CA10: variants seen among roughly 807,000 people sequenced by gnomAD.
CA10 encodes carbonic anhydrase-related protein 10.
CA10 carries 14 observed loss-of-function variants against 44.2 expected under a neutral mutation model. The observed-to-expected ratio is 0.32, with a 90% CI of 0.21 to 0.50. The LOEUF (loss-of-function observed/expected upper bound fraction) is 0.50, where lower values mean the gene tolerates loss of function less well. Among genes scored for constraint, CA10 ranks in the 20% least tolerant of loss-of-function variants. The pLI, the probability that CA10 is intolerant of heterozygous loss-of-function variation, is 0.99. For synonymous variants in CA10, 159 were observed against 141.6 expected (o/e 1.12, Z -0.87); for missense variants, 350 against 409.7 (o/e 0.85, Z 1.26).
chr17:52,093,749 A>G (rs1422849773), intron 1 of CA10, among the ~76,000 whole-genome samples: 4 of 152,200 alleles, frequency 2.6e-5, no homozygotes, highest in Non-Finnish European at 5.9e-5. Context: ...ATGCAGTAGA[A>G]TGGAAAAGAG....
chr17:52,138,314 G>A (rs1466613992), intron 1 of CA10, among the ~76,000 whole-genome samples: 1 of 151,964 alleles, frequency 6.6e-6, no homozygotes, highest in Non-Finnish European at 1.5e-5. Context: ...AGATAATCTA[G>A]GATAATCTCC....
At chr17:51,641,052 AT>A (rs1913058052) in intron 6 of CA10, among the ~76,000 whole-genome samples, 1 of 151,766 alleles carries the variant, frequency 6.6e-6, no homozygotes, top group African/African-American at 2.4e-5. Flanking sequence ...AAGGATGTTT[AT>A]TGGTGGAAGT....
intron 2 of CA10, among the ~76,000 whole-genome samples, chr17:52,055,390 C>T (rs2143067751): frequency 6.7e-6 from 1 of 148,312 alleles, no homozygotes; most frequent in East Asian, 2.0e-4. Context: ...ATGGAGTTTC[C>T]AAAACTATAA....
intron 4 of CA10, among the ~76,000 whole-genome samples, chr17:51,680,768 T>C (rs912799252): frequency 6.6e-6 from 1 of 152,192 alleles, no homozygotes; most frequent in Non-Finnish European, 1.5e-5. Flanking sequence ...GTCTGAGGAC[T>C]CTTCTGTGGT....
intron 2 of CA10, among the ~76,000 whole-genome samples, chr17:51,948,206 G>A (rs755051306): frequency 1.2e-4 from 18 of 152,022 alleles, no homozygotes; most frequent in Admixed American, 2.6e-4. Context: ...TCTACACTCC[G>A]CCTGTATTGC....
chr17:51,873,433 C>T (rs1384299110), intron 3 of CA10, among the ~76,000 whole-genome samples: 1 of 152,168 alleles, frequency 6.6e-6, no homozygotes, highest in African/African-American at 2.4e-5. Flanking sequence ...ACTCAGCAAT[C>T]GTTCTATCAT....
At chr17:51,961,188 AAC>A (rs71149387) in intron 2 of CA10, among the ~76,000 whole-genome samples, 55,294 of 144,844 alleles carry the variant, frequency 0.38, 10,954 homozygotes, top group Non-Finnish European at 0.47. Flanking sequence ...TGTACACACA[AAC>A]ACACACACAC....
intron 1 of CA10, among the ~76,000 whole-genome samples, chr17:52,091,983 C>T (rs1241771438): frequency 2.6e-5 from 4 of 152,166 alleles, no homozygotes; most frequent in Non-Finnish European, 4.4e-5. Context: ...CATAGGGCTT[C>T]TAAATCACTA....
intron 4 of CA10, among the ~76,000 whole-genome samples, chr17:51,699,374 T>TGCTG (rs1008638092): frequency 5.7e-4 from 86 of 152,060 alleles, no homozygotes; most frequent in Non-Finnish European, 6.6e-4. Context: ...GAAGTGGGGT[T>TGCTG]GCTGGATAGT....
At chr17:51,975,776 T>G (rs576663747) in intron 2 of CA10, among the ~76,000 whole-genome samples, 1 of 144,960 alleles carries the variant, frequency 6.9e-6, no homozygotes, top group African/African-American at 2.6e-5. Flanking sequence ...GGCACTAAAA[T>G]CGCTAGATCG....
intron 3 of CA10, among the ~76,000 whole-genome samples, chr17:51,905,615 T>C (rs1981516215): frequency 6.6e-6 from 1 of 151,174 alleles, no homozygotes; most frequent in African/African-American, 2.4e-5. Flanking sequence ...TTATAGCTGG[T>C]TGGACCTAGC....
Position 51,906,458 on chromosome 17 carries a change from G to A in CA10, c.279+24532C>T, listed in dbSNP as rs114612093. 3.3e-3 allele frequency among the ~76,000 whole-genome samples: 495 copies of A among 152,058 alleles called. 3 individuals carry two copies. Among genetic ancestry groups the A allele is most frequent in the African/African-American group, 0.012 (484 of 41,482 alleles). On this transcript the variant is annotated intron_variant, in intron 3 of 8. Coordinates refer to ENST00000451037, the MANE Select transcript of CA10 (RefSeq NM_020178.5). The stretch of plus-strand genomic sequence containing the variant: ...ATGTGCCATCTCGGTCTCCATTGCT[G>A]GTGCCTTCCCTGCCTGCCAATCTCT...
chr17:52,122,165 G>A (rs1272423098), intron 1 of CA10, among the ~76,000 whole-genome samples: 2 of 152,210 alleles, frequency 1.3e-5, no homozygotes, highest in African/African-American at 4.8e-5. Flanking sequence ...CACAGATGCT[G>A]GGGGCTAGTT....
chr17:51,712,189 T>C (rs1915961542), intron 4 of CA10, among the ~76,000 whole-genome samples: 1 of 152,196 alleles, frequency 6.6e-6, no homozygotes, highest in South Asian at 2.1e-4. Flanking sequence ...CAGTGTCCAC[T>C]GAATATGATG....
At chr17:52,129,402 T>G (rs1989184659) in intron 1 of CA10, among the ~76,000 whole-genome samples, 1 of 152,224 alleles carries the variant, frequency 6.6e-6, no homozygotes, top group East Asian at 1.9e-4. Flanking sequence ...ATGAATTAAT[T>G]CATTTAATCT....
intron 5 of CA10, among the ~76,000 whole-genome samples, chr17:51,650,322 C>T (rs779200050): frequency 2.6e-5 from 4 of 152,140 alleles, no homozygotes; most frequent in Admixed American, 6.5e-5. Flanking sequence ...AGTGGCTAAT[C>T]GGATGTTGTG....
chr17:51,983,421 A>C (rs1461563740), intron 2 of CA10, among the ~76,000 whole-genome samples: 1 of 151,874 alleles, frequency 6.6e-6, no homozygotes. Flanking sequence ...TATCAAAAGT[A>C]CATTGGAAAT....
At chr17:51,969,909 G>T (rs1420711703) in intron 2 of CA10, among the ~76,000 whole-genome samples, 1 of 151,974 alleles carries the variant, frequency 6.6e-6, no homozygotes, top group Non-Finnish European at 1.5e-5. Context: ...AATGCTCTTT[G>T]CTTCTCTTCA....
intron 3 of CA10, among the ~76,000 whole-genome samples, chr17:51,908,601 T>TG (rs397794993): frequency 6.7e-6 from 1 of 149,608 alleles, no homozygotes; most frequent in African/African-American, 2.5e-5. Context: ...TTTAGACACT[T>TG]TGGTATTAGC....
Sources: gnomAD v4.1 joint callset for allele counts (sites outside exome capture counted in the v4.1 genomes callset) on GRCh38, gnomAD v4.1.1 for gene constraint, MANE v1.5 for transcripts, NCBI Gene and HGNC (gene_info 2026-07-23, HGNC 2026-07-21) for gene names.